Variants in NKAIN2 observed in about 807,000 individuals in gnomAD.
NKAIN2 encodes sodium/potassium transporting ATPase interacting 2, also known as sodium/potassium-transporting ATPase subunit beta-1-interacting protein 2.
In NKAIN2, 14 loss-of-function variants were observed where a neutral mutation model predicts 32.6. The observed-to-expected ratio is 0.43, with a 90% CI of 0.28 to 0.67. The LOEUF is 0.67. NKAIN2 is among the 30% of genes least tolerant of loss of function. The pLI is 0.17. For missense variants in NKAIN2, 198 were observed against 258.3 expected (o/e 0.77, Z 1.60); for synonymous variants, 80 against 87.2 (o/e 0.92, Z 0.46).
chr6:124,593,202 G>GTT (rs1264329729), intron 3 of NKAIN2, among the ~76,000 whole-genome samples: 2 of 44,798 alleles, frequency 4.5e-5, no homozygotes, highest in East Asian at 4.6e-4. Flanking sequence ...GGAGATGAGA[G>GTT]TTTTGTGTGT....
intron 1 of NKAIN2, among the ~76,000 whole-genome samples, chr6:123,837,444 A>G (rs1297599036): frequency 2.0e-5 from 3 of 152,112 alleles, no homozygotes; most frequent in African/African-American, 7.2e-5. Context: ...TTCCACCCAC[A>G]TTTAATCTAT....
chr6:124,160,272 A>G (rs1314249285), intron 1 of NKAIN2, among the ~76,000 whole-genome samples: 1 of 152,180 alleles, frequency 6.6e-6, no homozygotes, highest in African/African-American at 2.4e-5. Flanking sequence ...TAACAGCAGC[A>G]AACTATTCTC....
At chr6:124,641,019 A>T (rs1338397038) in intron 3 of NKAIN2, among the ~76,000 whole-genome samples, 1 of 152,194 alleles carries the variant, frequency 6.6e-6, no homozygotes, top group Non-Finnish European at 1.5e-5. Flanking sequence ...GCACTTCTTG[A>T]GAAGGAACTG....
intron 4 of NKAIN2, among the ~76,000 whole-genome samples, chr6:124,713,693 T>C (rs376252765): frequency 6.6e-6 from 1 of 152,194 alleles, no homozygotes; most frequent in Non-Finnish European, 1.5e-5. Flanking sequence ...TGTCTTCACA[T>C]GTTAGAAAAG....
chr6:123,850,340 C>T (rs1229582782), intron 1 of NKAIN2, among the ~76,000 whole-genome samples: 2 of 91,112 alleles, frequency 2.2e-5, no homozygotes, highest in East Asian at 2.9e-4. Flanking sequence ...TTGCAAGCTG[C>T]TGAAAAAAAA....
intron 3 of NKAIN2, among the ~76,000 whole-genome samples, chr6:124,488,135 T>G (rs1777726752): frequency 1.3e-5 from 2 of 152,200 alleles, no homozygotes; most frequent in African/African-American, 4.8e-5. Context: ...TGTCAGGAAC[T>G]ACTGTGTATG....
At chr6:124,774,936 C>T (rs746595458) in intron 4 of NKAIN2, among the ~76,000 whole-genome samples, 11 of 149,348 alleles carry the variant, frequency 7.4e-5, no homozygotes, top group Non-Finnish European at 1.6e-4. Context: ...TCCAAAGATA[C>T]AAGCACCAAG....
chr6:124,519,887 G>A (rs1410788657), intron 3 of NKAIN2, among the ~76,000 whole-genome samples: 4 of 152,054 alleles, frequency 2.6e-5, no homozygotes, highest in South Asian at 2.1e-4. Context: ...GTAAAATATC[G>A]TGAGCTTTTA....
At chr6:123,920,029 C>G (rs1775677370) in intron 1 of NKAIN2, among the ~76,000 whole-genome samples, 1 of 151,770 alleles carries the variant, frequency 6.6e-6, no homozygotes, top group African/African-American at 2.4e-5. Context: ...GTAGAAGGCC[C>G]TTTGTATGAA....
chr6:124,397,527 GTT>G (rs71776352), intron 3 of NKAIN2, among the ~76,000 whole-genome samples: 1 of 144,944 alleles, frequency 6.9e-6, no homozygotes, highest in Admixed American at 6.9e-5. Flanking sequence ...GTCACAGAGA[GTT>G]TTTTTTTTTT....
chr6:124,524,891 T>G (rs1779254322), intron 3 of NKAIN2, among the ~76,000 whole-genome samples: 1 of 152,194 alleles, frequency 6.6e-6, no homozygotes, highest in Non-Finnish European at 1.5e-5. Flanking sequence ...GAACTAGATA[T>G]ACCTTCCGTA....
chr6:124,630,500 A>G (rs1446156834), intron 3 of NKAIN2, among the ~76,000 whole-genome samples: 1 of 152,126 alleles, frequency 6.6e-6, no homozygotes, highest in African/African-American at 2.4e-5. Context: ...TGGCCATGGT[A>G]ATGAGCTTAA....
At chr6:124,301,476 C>G (rs953945648) in intron 2 of NKAIN2, among the ~76,000 whole-genome samples, 2 of 152,136 alleles carry the variant, frequency 1.3e-5, no homozygotes, top group African/African-American at 4.8e-5. Flanking sequence ...AAGAAGGCCA[C>G]CATCCTCCAG....
chr6:124,355,607 A>G (rs1798936129), intron 3 of NKAIN2, among the ~76,000 whole-genome samples: 1 of 152,158 alleles, frequency 6.6e-6, no homozygotes, highest in Non-Finnish European at 1.5e-5. Flanking sequence ...AACATTAACC[A>G]CTGAATGATT....
At chr6:124,557,282 T>C (rs1780510941) in intron 3 of NKAIN2, among the ~76,000 whole-genome samples, 1 of 152,194 alleles carries the variant, frequency 6.6e-6, no homozygotes, top group Non-Finnish European at 1.5e-5. Flanking sequence ...ATGTTAACAT[T>C]GGGAAATTTC....
At chr6:123,921,433 TAGAGTA>T (rs1775748767) in intron 1 of NKAIN2, among the ~76,000 whole-genome samples, 1 of 152,212 alleles carries the variant, frequency 6.6e-6, no homozygotes, top group Non-Finnish European at 1.5e-5. Flanking sequence ...CCCTCAGTCA[TAGAGTA>T]AATATTTAAC....
intron 3 of NKAIN2, among the ~76,000 whole-genome samples, chr6:124,371,953 T>C (rs1350860797): frequency 6.6e-6 from 1 of 152,116 alleles, no homozygotes; most frequent in East Asian, 1.9e-4. Context: ...TGGAAAACAT[T>C]ATCAAACAGT....
intron 4 of NKAIN2, among the ~76,000 whole-genome samples, chr6:124,697,341 G>T (rs906641507): frequency 1.3e-5 from 2 of 152,130 alleles, no homozygotes; most frequent in South Asian, 4.1e-4. Flanking sequence ...AGATGATGGT[G>T]TTTCTGGCTT....
intron 1 of NKAIN2, among the ~76,000 whole-genome samples, chr6:123,977,377 C>A (rs1043748955): frequency 6.6e-6 from 1 of 152,106 alleles, no homozygotes; most frequent in African/African-American, 2.4e-5. Context: ...TGCTGCTGCA[C>A]TCCAGCCTGA....
Sources: gnomAD v4.1 joint callset for allele counts (sites outside exome capture counted in the v4.1 genomes callset) on GRCh38, gnomAD v4.1.1 for gene constraint, MANE v1.5 for transcripts, NCBI Gene and HGNC (gene_info 2026-07-23, HGNC 2026-07-21) for gene names.